RPRD2: variants seen among roughly 807,000 people sequenced by gnomAD.
RPRD2 encodes the protein regulation of nuclear pre-mRNA domain containing 2.
A neutral mutation model predicts 104.4 loss-of-function variants in RPRD2; 12 were observed. The ratio of observed to expected loss-of-function variants is 0.11; its 90% confidence interval spans 0.07 to 0.19. The LOEUF (loss-of-function observed/expected upper bound fraction) is 0.19. Ranked by LOEUF, RPRD2 falls within the 10% of genes least tolerant of loss-of-function variation. The pLI is 1.00. For missense variants in RPRD2, 1,543 were observed against 1,790.1 expected (o/e 0.86, Z 2.49); for synonymous variants, 714 against 684.9 (o/e 1.04, Z -0.66).
intron 1 of RPRD2, among the ~76,000 whole-genome samples, chr1:150,411,061 G>A (rs834226): frequency 0.011 from 1,676 of 152,276 alleles, 39 homozygotes; most frequent in African/African-American, 0.038. Context: ...GCGTCTTATT[G>A]TGTTGCTCAG....
chr1:150,470,994 C>G lies in RPRD2; in HGVS notation c.2046C>G (p.Phe682Leu). 1 of 1,614,034 alleles carries G rather than the reference C, an allele frequency of 6.2e-7. No homozygotes were observed. Among genetic ancestry groups the G allele is most frequent in the Non-Finnish European group, 8.5e-7 (1 of 1,179,900 alleles). ...IHNFLKGNPG[F>L]SGLNLNIPIL... ...ACTTCTTAAAAGGTAATCCTGGTTT[C>G]AGTGGCTTAAACTTAAACATCCCAA... is the stretch of plus-strand genomic sequence containing the variant. The change falls in exon 11 of 11, where the codon TTC (phenylalanine) becomes TTG (leucine). Residue 682 changes from phenylalanine (F) to leucine (L), a missense_variant. Transcript: ENST00000369068.
At chr1:150,375,996 A>G (rs746267988) in intron 1 of RPRD2, among the ~76,000 whole-genome samples, 3 of 152,230 alleles carry the variant, frequency 2.0e-5, no homozygotes, top group Non-Finnish European at 4.4e-5. Context: ...AGGAATGTAC[A>G]TCTTAGGGAG....
At position 150,460,042 on chromosome 1, in the gene RPRD2, T is replaced by C. The variant is rs781848154; in HGVS notation, c.1154-18T>C. 1 of 1,611,322 alleles carries C rather than the reference T, an allele frequency of 6.2e-7. No homozygotes were observed. The highest frequency in any genetic ancestry group is 8.5e-7 in the Non-Finnish European group (1 of 1,178,080). On this transcript the variant is annotated intron_variant, in intron 8 of 10. Transcript: ENST00000369068. ...GGAAAGTAGTAGGATGTAATATCTCTTTTCTTTGTTGAAACAGTCGAGGAC... is the reference window on the plus strand; with the variant it reads ...GGAAAGTAGTAGGATGTAATATCTCCTTTCTTTGTTGAAACAGTCGAGGAC...
At chr1:150,366,621 A>G (rs1659863437) in intron 1 of RPRD2, among the ~76,000 whole-genome samples, 1 of 152,206 alleles carries the variant, frequency 6.6e-6, no homozygotes, top group Non-Finnish European at 1.5e-5. Flanking sequence ...CTGATTTACA[A>G]ACGAGGAAAC....
At chr1:150,461,181 G>T (rs1553898758) in intron 9 of RPRD2, among the ~76,000 whole-genome samples, 1 of 151,264 alleles carries the variant, frequency 6.6e-6, no homozygotes, top group Non-Finnish European at 1.5e-5. Context: ...ATTGCCTGAG[G>T]CCAGGAGTTC....
chr1:150,435,907 G>C (rs1665956570), intron 2 of RPRD2, among the ~76,000 whole-genome samples: 1 of 152,174 alleles, frequency 6.6e-6, no homozygotes, highest in Non-Finnish European at 1.5e-5. Flanking sequence ...CAAAGCACAG[G>C]CTGACTCTCT....
chr1:150,461,355 G>C lies in RPRD2; in HGVS notation c.1411+1038G>C, dbSNP rs145393273. ...ATGAATGTTTTGGAGAATTAAATATGTATAACAATTTTTAAAAAAGTAAGT... is the reference window on the plus strand; with the variant it reads ...ATGAATGTTTTGGAGAATTAAATATCTATAACAATTTTTAAAAAAGTAAGT... On this transcript the variant is annotated intron_variant, in intron 9 of 10. Transcript: ENST00000369068. Among the ~76,000 whole-genome samples, 1,033 of 152,180 alleles carry C rather than the reference G, an allele frequency of 6.8e-3. 3 individuals are homozygous for C. Among genetic ancestry groups the C allele is most frequent in the Admixed American group, 0.012 (187 of 15,280 alleles).
Position 150,422,269 on chromosome 1 carries a change from G to A in RPRD2, c.335+4544G>A, listed in dbSNP as rs146348865. 8.4e-3 allele frequency among the ~76,000 whole-genome samples: 1,266 copies of A among 149,886 alleles called. 26 individuals carry two copies. The highest frequency in any genetic ancestry group is 0.03 in the African/African-American group (1,210 of 40,866). On this transcript the variant is annotated intron_variant, in intron 2 of 10. Transcript: ENST00000369068. Reference sequence around the variant, plus strand: ...TGAGGCAGGAGAATGGCATGAACCCGGGAAGCAGAGCTTGCAGTGAGCCGA... The same window carrying A: ...TGAGGCAGGAGAATGGCATGAACCCAGGAAGCAGAGCTTGCAGTGAGCCGA...
intron 1 of RPRD2, among the ~76,000 whole-genome samples, chr1:150,388,675 C>T (rs1238564564): frequency 2.0e-5 from 3 of 147,256 alleles, no homozygotes; most frequent in East Asian, 4.1e-4. Context: ...AGTGCAGTGG[C>T]GCGATCTTGC....
At chr1:150,432,418 C>G (rs914585058) in intron 2 of RPRD2, among the ~76,000 whole-genome samples, 1 of 151,798 alleles carries the variant, frequency 6.6e-6, no homozygotes, top group Non-Finnish European at 1.5e-5. Flanking sequence ...CCCCGAAATT[C>G]ATATGTTGAA....
intron 2 of RPRD2, among the ~76,000 whole-genome samples, chr1:150,419,076 G>A (rs113108194): frequency 4.4e-4 from 67 of 152,268 alleles, no homozygotes; most frequent in Middle Eastern, 3.4e-3. Flanking sequence ...CTTTTTGAAT[G>A]CCTATTGAAC....
chr1:150,464,176 A>G lies in RPRD2; in HGVS notation c.1412-351A>G, dbSNP rs927972009. Among the ~76,000 whole-genome samples the G allele has an allele frequency of 2.0e-5, 3 of 151,932 alleles. No individual in the cohort carries two copies. In the East Asian group the frequency reaches 5.8e-4, roughly 29 times the overall value. On this transcript the variant is annotated intron_variant, in intron 9 of 10. Transcript: ENST00000369068. ...AGGCGCCTGCCACCATACCCGGCTA[A>G]TTTTTTATTTTTGGTAGGGACAGGG... is the stretch of plus-strand genomic sequence containing the variant.
intron 1 of RPRD2, among the ~76,000 whole-genome samples, chr1:150,390,162 C>T (rs1432657762): frequency 6.6e-6 from 1 of 151,760 alleles, no homozygotes; most frequent in African/African-American, 2.4e-5. Context: ...AGAAACAAAC[C>T]CCAAAGACTT....
At chr1:150,387,566 CCTTTTTTTTT>C (rs1661665357) in intron 1 of RPRD2, among the ~76,000 whole-genome samples, 4 of 70,116 alleles carry the variant, frequency 5.7e-5, no homozygotes, top group Admixed American at 1.8e-4. Flanking sequence ...TTGCAACAGA[CCTTTTTTTTT>C]TTTTTTTTTT....
At chr1:150,384,106 A>T (rs1245661728) in intron 1 of RPRD2, among the ~76,000 whole-genome samples, 1 of 152,114 alleles carries the variant, frequency 6.6e-6, no homozygotes, top group Non-Finnish European at 1.5e-5. Flanking sequence ...GGTGGGTAGG[A>T]TATTCAGCAT....
intron 1 of RPRD2, among the ~76,000 whole-genome samples, chr1:150,383,406 T>G (rs1572362948): frequency 6.8e-6 from 1 of 147,242 alleles, no homozygotes; most frequent in Admixed American, 6.9e-5. Context: ...CCTCCACCTC[T>G]CAGGTTCAAG....
chr1:150,370,564 C>G (rs980106487), intron 1 of RPRD2, among the ~76,000 whole-genome samples: 3 of 131,494 alleles, frequency 2.3e-5, no homozygotes, highest in Admixed American at 1.7e-4. Context: ...TAATGACATC[C>G]ATTTTGTCTT....
At chr1:150,372,174 G>A (rs1235926012) in intron 1 of RPRD2, among the ~76,000 whole-genome samples, 2 of 152,138 alleles carry the variant, frequency 1.3e-5, no homozygotes, top group Non-Finnish European at 2.9e-5. Flanking sequence ...GGTAGATACA[G>A]ACCCTAACTT....
intron 8 of RPRD2, among the ~76,000 whole-genome samples, chr1:150,459,728 G>T (rs146999923): frequency 3.3e-5 from 5 of 152,090 alleles, no homozygotes; most frequent in African/African-American, 1.2e-4. Flanking sequence ...TAGTAGCTGG[G>T]ATTATAGACG....
Sources: gnomAD v4.1 joint callset for allele counts (sites outside exome capture counted in the v4.1 genomes callset) on GRCh38, gnomAD v4.1.1 for gene constraint, MANE v1.5 for transcripts, NCBI Gene and HGNC (gene_info 2026-07-23, HGNC 2026-07-21) for gene names.